The following PCDH11X variants were observed in gnomAD, a reference collection of about 807,000 sequenced individuals.
The protein encoded by PCDH11X is protocadherin-11 X-linked.
In PCDH11X, 18 loss-of-function variants were observed where a neutral mutation model predicts 53.3. That is an observed-to-expected ratio of 0.34 (90% confidence interval 0.23 to 0.50). PCDH11X has a LOEUF of 0.50. Ranked by LOEUF, PCDH11X falls within the 20% of genes least tolerant of loss-of-function variation. PCDH11X has a pLI of 0.98. For synonymous variants in PCDH11X, 279 were observed against 393.3 expected (o/e 0.71, Z 3.44); for missense variants, 570 against 1,032.4 (o/e 0.55, Z 6.14).
chrX:92,116,620 T>C (rs1442464561), intron 6 of PCDH11X, among the ~76,000 whole-genome samples: 3 of 112,138 alleles, frequency 2.7e-5, no homozygotes, highest in African/African-American at 9.7e-5. Flanking sequence ...AGGGTCTCCC[T>C]CTGTTGCCCA....
chrX:91,877,504 G>T lies in PCDH11X; in HGVS notation c.1264G>T (p.Ala422Ser). 1 of 1,211,449 alleles carries T rather than the reference G, an allele frequency of 8.3e-7. No homozygotes were observed. The highest frequency in any genetic ancestry group is 3.0e-5 in the East Asian group (1 of 33,812). The change falls in exon 6 of 11, where the codon GCA becomes TCA. Residue 422 changes from alanine (A) to serine (S), a missense_variant. This residue lies in a region of PCDH11X where 226 missense variants were observed against 457.5 expected (regional missense o/e 0.49). Transcript: ENST00000682573. ...TAATCAGTTCCTCCTGGAGACTGCA[G>T]CATATCTTGACTATGAGTCCACAAA... ...FSNQFLLETAAYLDYESTKEY... is the reference protein window; with the variant it reads ...FSNQFLLETASYLDYESTKEY...
At chrX:92,103,919 G>A (rs780665073) in intron 6 of PCDH11X, among the ~76,000 whole-genome samples, 4 of 111,404 alleles carry the variant, frequency 3.6e-5, no homozygotes, top group South Asian at 3.8e-4. Flanking sequence ...ATTTAATGTC[G>A]GGAGCAGATT....
At chrX:92,342,807 C>A in intron 8 of PCDH11X, among the ~76,000 whole-genome samples, 1 of 110,166 alleles carries the variant, frequency 9.1e-6, no homozygotes. Flanking sequence ...ACACAATATA[C>A]CTTGGTAGGA....
intron 6 of PCDH11X, among the ~76,000 whole-genome samples, chrX:91,928,348 T>G (rs187129024): frequency 2.6e-3 from 288 of 109,096 alleles, no homozygotes; most frequent in Admixed American, 6.6e-3. Context: ...ATATATTATA[T>G]AATGAGTGGT....
intron 6 of PCDH11X, among the ~76,000 whole-genome samples, chrX:91,937,664 A>G (rs1302088594): frequency 2.7e-5 from 3 of 110,688 alleles, no homozygotes; most frequent in Non-Finnish European, 5.7e-5. Context: ...TAGATTTATT[A>G]ACTAGGTCTC....
chrX:91,856,414 T>G (rs1442344616), intron 5 of PCDH11X, among the ~76,000 whole-genome samples: 2 of 109,894 alleles, frequency 1.8e-5, no homozygotes, highest in Non-Finnish European at 3.8e-5. Context: ...TGTTGAGGAT[T>G]TTTGCATTAA....
intron 6 of PCDH11X, among the ~76,000 whole-genome samples, chrX:92,148,065 T>C (rs866196120): frequency 2.1e-3 from 15 of 7,061 alleles, no homozygotes; most frequent in African/African-American, 5.5e-3. Flanking sequence ...TTCCTTTCTT[T>C]CTTTCTTTCT....
At position 92,039,665 on chromosome X, in the gene PCDH11X, G is replaced by T. The variant is rs151040545; in HGVS notation, c.3033+160392G>T. Among the ~76,000 whole-genome samples, 680 of 111,897 alleles carry T rather than the reference G, an allele frequency of 6.1e-3. 8 individuals carry two copies. The highest frequency in any genetic ancestry group is 0.021 in the African/African-American group (651 of 30,782). ...TCATAAATGTTATCCAAGAGGCTAG[G>T]CCTGGACTTAGGGACCCCAAGAACC... On this transcript the variant is annotated intron_variant, in intron 6 of 10. Coordinates refer to ENST00000682573, the MANE Select transcript of PCDH11X (RefSeq NM_032968.5).
chrX:92,114,823 C>CATTTATTT lies in PCDH11X; in HGVS notation c.3034-86535_3034-86528dup, dbSNP rs200665364. Among the ~76,000 whole-genome samples the CATTTATTT allele has an allele frequency of 1.8e-3, 194 of 108,963 alleles. 1 individual carries two copies. Among genetic ancestry groups the CATTTATTT allele is most frequent in the African/African-American group, 5.9e-3 (174 of 29,733 alleles). 94.6% of individuals were successfully genotyped at this position (108,963 alleles called of 115,157 possible). A position where few individuals can be genotyped will look rare whatever the true frequency, so the allele number is the denominator to read the frequency against. ...TCAAAAGAATGTCACCTGTCCTTTCCATTTATTTATTTATTTATTTATTTT... is the reference window on the plus strand; with the variant it reads ...TCAAAAGAATGTCACCTGTCCTTTCCATTTATTTATTTATTTATTTATTTATTTATTTT... On this transcript the variant is annotated intron_variant, in intron 6 of 10. Coordinates refer to ENST00000682573, the MANE Select transcript of PCDH11X (RefSeq NM_032968.5).
At chrX:92,368,481 C>T (rs1318990521) in intron 8 of PCDH11X, among the ~76,000 whole-genome samples, 4 of 111,530 alleles carry the variant, frequency 3.6e-5, no homozygotes, top group South Asian at 3.8e-4. Context: ...ACCTACCTTC[C>T]GAAACCTACT....
chrX:92,574,891 T>G (rs1273005543), intron 10 of PCDH11X, among the ~76,000 whole-genome samples: 1 of 110,732 alleles, frequency 9.0e-6, no homozygotes, highest in African/African-American at 3.3e-5. Context: ...CACTTAACCC[T>G]TAGAAGTTTG....
At chrX:92,085,565 G>C (rs1396205494) in intron 6 of PCDH11X, among the ~76,000 whole-genome samples, 2 of 104,098 alleles carry the variant, frequency 1.9e-5, no homozygotes, top group Admixed American at 2.1e-4. Context: ...AACAGTATGT[G>C]CTCAGCTATG....
At chrX:92,115,327 A>G (rs2064616822) in intron 6 of PCDH11X, among the ~76,000 whole-genome samples, 1 of 110,850 alleles carries the variant, frequency 9.0e-6, no homozygotes, top group African/African-American at 3.3e-5. Context: ...AGGTACTCAT[A>G]GACCACAAGT....
At chrX:92,180,922 G>A (rs1469882411) in intron 6 of PCDH11X, among the ~76,000 whole-genome samples, 1 of 108,415 alleles carries the variant, frequency 9.2e-6, no homozygotes, top group Non-Finnish European at 1.9e-5. Flanking sequence ...GTGTGAAAAT[G>A]GGCTAATACA....
chrX:92,167,323 G>T (rs1322354991), intron 6 of PCDH11X, among the ~76,000 whole-genome samples: 1 of 111,327 alleles, frequency 9.0e-6, no homozygotes, highest in Non-Finnish European at 1.9e-5. Flanking sequence ...GGCAAACTAG[G>T]GGCTATCAAA....
intron 10 of PCDH11X, among the ~76,000 whole-genome samples, chrX:92,589,266 G>A (rs1924756775): frequency 9.0e-6 from 1 of 111,498 alleles, no homozygotes; most frequent in African/African-American, 3.3e-5. Flanking sequence ...AACTGACTAG[G>A]AATAGTAAAT....
chrX:92,252,069 A>G (rs1406005626), intron 7 of PCDH11X, among the ~76,000 whole-genome samples: 1 of 111,323 alleles, frequency 9.0e-6, no homozygotes, highest in Admixed American at 9.6e-5. Flanking sequence ...AATGTTGAGA[A>G]TAAAATTTAA....
chrX:92,590,122 G>A (rs971246521), intron 10 of PCDH11X, among the ~76,000 whole-genome samples: 5 of 107,358 alleles, frequency 4.7e-5, no homozygotes, highest in Non-Finnish European at 5.8e-5. Context: ...CTATGATTTC[G>A]TTTCCACCCC....
chrX:92,319,975 A>C (rs2069163476), intron 8 of PCDH11X, among the ~76,000 whole-genome samples: 2 of 111,285 alleles, frequency 1.8e-5, no homozygotes, highest in Admixed American at 9.6e-5. Flanking sequence ...GCTGAGCATC[A>C]TGGTATAATT....
Sources: allele counts gnomAD v4.1 joint callset (sites outside exome capture counted in the v4.1 genomes callset), GRCh38; gene constraint gnomAD v4.1.1; regional missense constraint gnomAD v4.1.1; transcripts MANE v1.5; gene names NCBI Gene and HGNC (gene_info 2026-07-23, HGNC 2026-07-21).